Variants in WDR72 observed in about 807,000 individuals in gnomAD.
The protein encoded by WDR72 is WD repeat domain 72.
WDR72 carries 120 observed loss-of-function variants against 124.2 expected under a neutral mutation model. The ratio of observed to expected loss-of-function variants is 0.97; its 90% CI spans 0.83 to 1.12. The LOEUF (loss-of-function observed/expected upper bound fraction) is 1.12, where lower values mean the gene tolerates loss of function less well. Ranked by LOEUF, WDR72 falls within the 50% of genes most tolerant of loss-of-function variation. The pLI is 0.00. For missense variants in WDR72, 1,387 were observed against 1,278.8 expected (o/e 1.08, Z -1.29); for synonymous variants, 452 against 441.7 (o/e 1.02, Z -0.29).
chr15:53,554,029 T>G (rs1893834309), intron 18 of WDR72, among the ~76,000 whole-genome samples: 1 of 152,150 alleles, frequency 6.6e-6, no homozygotes, highest in Non-Finnish European at 1.5e-5. Flanking sequence ...ATATGTCTAA[T>G]TTTGACACTT....
intron 14 of WDR72, among the ~76,000 whole-genome samples, chr15:53,617,168 C>T (rs2013800209): frequency 6.6e-6 from 1 of 151,624 alleles, no homozygotes; most frequent in Non-Finnish European, 1.5e-5. Context: ...ATTAGGCAGA[C>T]AAAATAATTC....
chr15:53,719,354 C>T lies in WDR72; in HGVS notation c.261-2669G>A, dbSNP rs373137620. Among the ~76,000 whole-genome samples, 5 of 152,252 alleles carry T rather than the reference C, an allele frequency of 3.3e-5. No individual in the cohort carries two copies. The South Asian group carries it at 6.2e-4, about 19-fold the overall frequency. ...GTTTTCCCTAGATATTTGTCTTATA[C>T]TTTCTTACATCCTTATATTTCACTC... On this transcript the variant is annotated intron_variant, in intron 3 of 19. Transcript: ENST00000360509.
intron 14 of WDR72, among the ~76,000 whole-genome samples, chr15:53,629,542 T>C (rs1226684868): frequency 6.6e-6 from 1 of 151,928 alleles, no homozygotes; most frequent in Admixed American, 6.6e-5. Context: ...TTAGGAAAAG[T>C]ATAATAATTA....
chr15:53,711,150 T>C (rs1348776382), intron 8 of WDR72, 186 bp downstream of exon 8: 2 of 906,398 alleles, frequency 2.2e-6, no homozygotes, highest in South Asian at 1.4e-5. Flanking sequence ...TTAATCTCAT[T>C]CCTCCATCCC....
rs1353446061 is a variant in WDR72, at chr15:53,616,171, A to G, written c.2035T>C (p.Phe679Leu). ...TCCAGATCAAATAGAAGAATATGAA[A>G]GCCAACGTTACTCCATTTTGTCTTC... The part of the protein sequence containing the change: ...PVKTKWSNVG[F>L]HILLFDLENL... Residue 679 changes from phenylalanine (F) to leucine (L), a missense_variant, in exon 15 of 20, where the codon TTT (phenylalanine) becomes CTT (leucine). Coordinates refer to ENST00000360509, the MANE Select transcript of WDR72 (RefSeq NM_182758.4). 1 of 1,606,814 alleles carries G rather than the reference A, an allele frequency of 6.2e-7. No individual in the cohort carries two copies. Among genetic ancestry groups the G allele is most frequent in the South Asian group, 1.1e-5 (1 of 90,412 alleles).
At chr15:53,601,894 G>T (rs1054640326) in intron 17 of WDR72, among the ~76,000 whole-genome samples, 1 of 152,050 alleles carries the variant, frequency 6.6e-6, no homozygotes, top group Non-Finnish European at 1.5e-5. Context: ...CAACAATCAT[G>T]GGAGACTTTA....
At chr15:53,640,702 T>G (rs1418927294) in intron 14 of WDR72, among the ~76,000 whole-genome samples, 2 of 152,148 alleles carry the variant, frequency 1.3e-5, no homozygotes, top group African/African-American at 2.4e-5. Context: ...TTTGTCATGC[T>G]GTCAAAAAAT....
At chr15:53,559,346 G>C (rs1894049607) in intron 18 of WDR72, among the ~76,000 whole-genome samples, 1 of 151,840 alleles carries the variant, frequency 6.6e-6, no homozygotes. Context: ...AAACATGCAG[G>C]TTTTCTAAAA....
At chr15:53,609,456 G>T in intron 17 of WDR72, 57 bp downstream of exon 17, 1 of 1,476,756 alleles carries the variant, frequency 6.8e-7, no homozygotes, top group South Asian at 1.1e-5. Context: ...GGGTATCCAT[G>T]AACCACAGCA....
intron 5 of WDR72, among the ~76,000 whole-genome samples, chr15:53,714,845 A>G (rs185898732): frequency 2.4e-4 from 37 of 152,284 alleles, no homozygotes; most frequent in African/African-American, 8.7e-4. Context: ...TGAATTATCA[A>G]TACTACATCT....
In WDR72 at chr15:53,639,943, A is replaced by G. The variant is rs138260864; in HGVS notation, c.1963-23700T>C. Among the ~76,000 whole-genome samples the G allele has an allele frequency of 2.5e-3, 377 of 152,342 alleles. 5 individuals are homozygous for G. The highest frequency in any genetic ancestry group is 8.7e-3 in the African/African-American group (360 of 41,572). On this transcript the variant is annotated intron_variant, in intron 14 of 19. Transcript: ENST00000360509. ...TTCATTGAGCCTAAAAATACCAGAT[A>G]AAATTGAATCATATAATCATGGAGT...
chr15:53,706,348 GTGTA>G (rs1158775724), intron 9 of WDR72, among the ~76,000 whole-genome samples: 16,968 of 56,358 alleles, frequency 0.3, 2,314 homozygotes, highest in Middle Eastern at 0.53. Context: ...GTGTGTGTGT[GTGTA>G]TATATATATA....
chr15:53,595,505 T>C (rs748605819), intron 18 of WDR72, among the ~76,000 whole-genome samples: 2 of 152,180 alleles, frequency 1.3e-5, no homozygotes, highest in Admixed American at 6.6e-5. Context: ...AGTTTCACTT[T>C]GATAGCTGAC....
chr15:53,702,422 C>T (rs765584120), intron 11 of WDR72, 68 bp from the exon 12 acceptor site: 16 of 1,338,040 alleles, frequency 1.2e-5, no homozygotes, highest in Non-Finnish European at 1.6e-5. Context: ...CCAAGATTCT[C>T]TTCTATAAAA....
intron 18 of WDR72, among the ~76,000 whole-genome samples, chr15:53,573,538 T>C (rs1205869653): frequency 6.6e-6 from 1 of 151,674 alleles, no homozygotes; most frequent in African/African-American, 2.4e-5. Context: ...TAACACCAAC[T>C]GCTTCTTTTC....
At chr15:53,686,578 A>G (rs1480344064) in intron 13 of WDR72, among the ~76,000 whole-genome samples, 1 of 151,702 alleles carries the variant, frequency 6.6e-6, no homozygotes, top group Non-Finnish European at 1.5e-5. Flanking sequence ...TGAGTGACCT[A>G]CAAAGAGACT....
chr15:53,676,074 GT>G (rs1424155544), intron 13 of WDR72, among the ~76,000 whole-genome samples: 1 of 152,118 alleles, frequency 6.6e-6, no homozygotes, highest in African/African-American at 2.4e-5. Flanking sequence ...AGTGCCACTT[GT>G]AAAATTCAAT....
chr15:53,528,043 G>T (rs146891528), intron 18 of WDR72, among the ~76,000 whole-genome samples: 12 of 152,176 alleles, frequency 7.9e-5, no homozygotes, highest in African/African-American at 2.9e-4. Context: ...AATACTGGCA[G>T]ATCTCAAAAG....
intron 18 of WDR72, among the ~76,000 whole-genome samples, chr15:53,591,476 C>T (rs753632507): frequency 1.3e-5 from 2 of 151,966 alleles, no homozygotes; most frequent in Non-Finnish European, 2.9e-5. Context: ...GCTCAATCCA[C>T]CCAAAAGTTT....
Sources: gnomAD v4.1 joint callset for allele counts (sites outside exome capture counted in the v4.1 genomes callset) on GRCh38, gnomAD v4.1.1 for gene constraint, MANE v1.5 for transcripts, NCBI Gene and HGNC (gene_info 2026-07-23, HGNC 2026-07-21) for gene names.